The following AXL variants were observed in gnomAD, a reference collection of about 807,000 sequenced individuals.
The protein encoded by AXL is AXL receptor tyrosine kinase, also known as tyrosine-protein kinase receptor UFO.
Under a neutral mutation model 104.5 loss-of-function variants are expected in AXL, and 52 were observed. The ratio of observed to expected loss-of-function variants is 0.50; its 90% CI spans 0.40 to 0.63. The LOEUF is 0.63. Among genes scored for constraint, AXL ranks in the 20% least tolerant of loss-of-function variants. The pLI is 0.00. For missense variants in AXL, 1,024 were observed against 1,188.5 expected (o/e 0.86, Z 2.04); for synonymous variants, 455 against 473.7 (o/e 0.96, Z 0.51).
chr19:41,252,279 G>A (rs1264782188), intron 14 of AXL, 72 bp from the exon 15 acceptor site: 3 of 1,184,976 alleles, frequency 2.5e-6, no homozygotes, highest in Non-Finnish European at 3.8e-6. Context: ...TGATGATGAT[G>A]ATGGAGTGGA....
intron 10 of AXL, among the ~76,000 whole-genome samples, 199 bp from the exon 11 acceptor site, chr19:41,242,684 C>T (rs142124159): frequency 5.6e-4 from 85 of 152,276 alleles, no homozygotes; most frequent in African/African-American, 2.0e-3. Flanking sequence ...TCTGCTTTAA[C>T]CTGCACTTGT....
chr19:41,229,468 T>G (rs956313257), intron 4 of AXL, among the ~76,000 whole-genome samples: 1 of 152,082 alleles, frequency 6.6e-6, no homozygotes, highest in African/African-American at 2.4e-5. Context: ...TCTCACCACG[T>G]TGCCCAGGCT....
chr19:41,226,563 C>T (rs1384656082), intron 4 of AXL, among the ~76,000 whole-genome samples: 4 of 152,194 alleles, frequency 2.6e-5, no homozygotes, highest in African/African-American at 7.2e-5. Flanking sequence ...CCTCCGCTGA[C>T]GGAGAAAAGG....
rs904485420 is a variant in AXL at position 41,260,436 on chromosome 19, C to G, written c.*532C>G. 1 of 156,348 alleles carries G rather than the reference C, an allele frequency of 6.4e-6. No homozygotes were observed. Among genetic ancestry groups the G allele is most frequent in the East Asian group, 1.6e-4 (1 of 6,426 alleles). The allele number at this position is 156,348 out of a possible 1,614,324, so 9.7% of individuals were successfully genotyped here. A position where few individuals can be genotyped will look rare whatever the true frequency, so the allele number is the denominator to read the frequency against. On this transcript the variant is annotated 3_prime_UTR_variant, in exon 20 of 20. Transcript: ENST00000301178. Reference sequence around the variant, plus strand: ...AAGTGATTTTCCTGCCTTGGCCTCCCAAGTAGCTGGGATTACAGGTGTGTG... The same window carrying G: ...AAGTGATTTTCCTGCCTTGGCCTCCGAAGTAGCTGGGATTACAGGTGTGTG...
intron 19 of AXL, among the ~76,000 whole-genome samples, chr19:41,258,590 G>A (rs1231057922): frequency 6.6e-6 from 1 of 152,020 alleles, no homozygotes; most frequent in African/African-American, 2.4e-5. Flanking sequence ...AATTTTTTTT[G>A]TATTTTTAGT....
At position 41,235,368 on chromosome 19, in the gene AXL, A is replaced by AG. The variant is rs1303359520; in HGVS notation, c.784-2576_784-2575insG. Among the ~76,000 whole-genome samples the AG allele has an allele frequency of 9.6e-4, 86 of 89,882 alleles. No homozygotes were observed. The East Asian group carries it at 0.011, about 11-fold the overall frequency. The allele number at this position is 89,882 out of a possible 152,430, so 59.0% of individuals were successfully genotyped here. ...CTCCATCTCAAATAAATAAATAAAT[A>AG]AATAGATAGATAGATAGATAGATAG... On this transcript the variant is annotated intron_variant, in intron 6 of 19. Coordinates refer to ENST00000301178, the MANE Select transcript of AXL (RefSeq NM_021913.5).
intron 19 of AXL, among the ~76,000 whole-genome samples, chr19:41,257,994 G>C (rs942684656): frequency 6.6e-6 from 1 of 152,172 alleles, no homozygotes; most frequent in African/African-American, 2.4e-5. Flanking sequence ...ATGCTTCCCC[G>C]ACATGCTCCT....
rs989963920 is a variant in AXL, at chr19:41,238,252, A to G, written c.994+98A>G. On this transcript the variant is annotated intron_variant, in intron 7 of 19. Transcript: ENST00000301178. ...GTCCCCTTTCACTCCTTTACCCCTC[A>G]TGGCCTCAATCTCCTTCCCATCCAA... 5 of 1,465,646 alleles carry G rather than the reference A, an allele frequency of 3.4e-6. No homozygotes were observed. The African/African-American group carries it at 4.2e-5, about 12-fold the overall frequency. The allele number at this position is 1,465,646 out of a possible 1,614,324, so 90.8% of individuals were successfully genotyped here.
chr19:41,221,057 A>T, intron 2 of AXL, 89 bp from the exon 3 acceptor site: 1 of 1,318,612 alleles, frequency 7.6e-7, no homozygotes, highest in South Asian at 1.4e-5. Flanking sequence ...GAGCTTCCAG[A>T]CTGGACACCC....
At chr19:41,257,023 T>C (rs570888575) in intron 18 of AXL, among the ~76,000 whole-genome samples, 1 of 152,244 alleles carries the variant, frequency 6.6e-6, no homozygotes, top group East Asian at 1.9e-4. Flanking sequence ...TGTATACCCG[T>C]GTCAAGTATT....
rs1345759369 is a variant in AXL at position 41,252,831 on chromosome 19, A to C, written c.1805-15A>C. ...TCTGCCCAGCAGGAGTGACAGGGCT[A>C]CCTGGGGGGCTCAGGTGTCTGTTTC... On this transcript the variant is annotated splice_polypyrimidine_tract_variant and intron_variant, in intron 15 of 19. Transcript: ENST00000301178. 2 of 1,613,542 alleles carry C rather than the reference A, an allele frequency of 1.2e-6. No individual in the cohort carries two copies. The highest frequency in any genetic ancestry group is 2.2e-5 in the East Asian group (1 of 44,870).
chr19:41,234,727 G>A (rs1446611288), intron 6 of AXL, among the ~76,000 whole-genome samples: 2 of 152,194 alleles, frequency 1.3e-5, no homozygotes, highest in African/African-American at 4.8e-5. Flanking sequence ...AGGTCACACA[G>A]CAAACAACAT....
At chr19:41,224,105 T>C (rs1382960332) in intron 4 of AXL, among the ~76,000 whole-genome samples, 5 of 152,164 alleles carry the variant, frequency 3.3e-5, no homozygotes, top group African/African-American at 9.6e-5. Context: ...TCTGTGTGTG[T>C]GCGCATGATG....
intron 11 of AXL, 61 bp from the exon 12 acceptor site, chr19:41,243,555 G>A (rs535180285): frequency 7.7e-7 from 1 of 1,294,900 alleles, no homozygotes; most frequent in African/African-American, 1.5e-5. Flanking sequence ...CTCAACTGCT[G>A]GTTGAGTAGG....
At chr19:41,222,744 A>C (rs901024085) in intron 4 of AXL, among the ~76,000 whole-genome samples, 2 of 151,598 alleles carry the variant, frequency 1.3e-5, no homozygotes, top group African/African-American at 4.9e-5. Flanking sequence ...ATCTCTACTA[A>C]AAATACAAAA....
chr19:41,258,643 C>T (rs999455473), intron 19 of AXL, among the ~76,000 whole-genome samples: 25 of 152,274 alleles, frequency 1.6e-4, no homozygotes, highest in African/African-American at 4.8e-4. Flanking sequence ...GTCTTGATAT[C>T]GTGACCTCAT....
At chr19:41,222,174 C>A in intron 4 of AXL, 118 bp downstream of exon 4, 1 of 1,143,306 alleles carries the variant, frequency 8.7e-7, no homozygotes, top group Non-Finnish European at 1.2e-6. Context: ...CCCTCACTGT[C>A]TGTCTCTCTC....
Position 41,219,309 on chromosome 19 carries a change from AGCTGGGGGGAGG to A in AXL, c.-81_-70del. On this transcript the variant is annotated 5_prime_UTR_variant, in exon 1 of 20. Coordinates refer to ENST00000301178, the MANE Select transcript of AXL (RefSeq NM_021913.5). ...GCAGTGCCAAATCCGGGGAGCCTGG[AGCTGGGGGGAGG>A]GCCGGGGACAGCCCGGCCCTGCCCC... is the stretch of plus-strand genomic sequence containing the variant. 1 of 1,342,432 alleles carries A rather than the reference AGCTGGGGGGAGG, an allele frequency of 7.4e-7. No individual in the cohort carries two copies. The highest frequency in any genetic ancestry group is 1.4e-5 in the South Asian group (1 of 72,822). 83.2% of individuals were successfully genotyped at this position (1,342,432 alleles called of 1,614,324 possible). A position where few individuals can be genotyped will look rare whatever the true frequency, so the allele number is the denominator to read the frequency against.
At position 41,219,361 on chromosome 19, in the gene AXL, G is replaced by C; in HGVS notation, c.-32G>C. 2 of 1,558,054 alleles carry C rather than the reference G, an allele frequency of 1.3e-6. No individual in the cohort carries two copies. Among genetic ancestry groups the C allele is most frequent in the Admixed American group, 1.9e-5 (1 of 52,176 alleles). On this transcript the variant is annotated 5_prime_UTR_variant, in exon 1 of 20. Transcript: ENST00000301178. ...GGCCCTGCCCCCTCCCCCGCTGGGA[G>C]CCCAACAACTTCTGAGGAAAGTTTG...
Sources: gnomAD v4.1 joint callset for allele counts (sites outside exome capture counted in the v4.1 genomes callset) on GRCh38, gnomAD v4.1.1 for gene constraint, MANE v1.5 for transcripts, NCBI Gene and HGNC (gene_info 2026-07-23, HGNC 2026-07-21) for gene names.